The following AUNIP variants were observed in gnomAD, a reference collection of about 807,000 sequenced individuals.
AUNIP encodes aurora kinase A- and ninein-interacting protein.
In AUNIP, 16 loss-of-function variants were observed where a neutral mutation model predicts 12.2. That is an observed-to-expected ratio of 1.31 (90% confidence interval 0.88 to 1.99). The LOEUF is 1.99. AUNIP is among the 30% of genes most tolerant of loss of function. AUNIP has a pLI of 0.00. For missense variants in AUNIP, 411 were observed against 419.1 expected (o/e 0.98, Z 0.17); for synonymous variants, 142 against 154.8 (o/e 0.92, Z 0.61).
In AUNIP at chr1:25,835,300, C is replaced by T. The variant is rs1411446575; in HGVS notation, c.767G>A (p.Gly256Glu). The T allele has an allele frequency of 6.2e-7, 1 of 1,614,212 alleles. No homozygotes were observed. Among genetic ancestry groups the T allele is most frequent in the Non-Finnish European group, 8.5e-7 (1 of 1,180,044 alleles). ...TTGTTTCACTGATTCTATGTTTTCT[C>T]CATTCCAGGATTCCCTGTATGTTTG... ...LLQTYRESWN[G>E]ENIESVKQSR... Residue 256 changes from glycine to glutamate, a missense_variant, in exon 3 of 3, where the codon GGA (glycine) becomes GAA (glutamate). Transcript: ENST00000374298.
chr1:25,843,812 C>T (rs912946106), intron 1 of AUNIP, among the ~76,000 whole-genome samples: 11 of 151,888 alleles, frequency 7.2e-5, no homozygotes, highest in African/African-American at 2.7e-4. Flanking sequence ...AATTGATACA[C>T]TCTCCCAATA....
chr1:25,831,945 A>C, downstream of AUNIP: 1 of 1,614,094 alleles, frequency 6.2e-7, no homozygotes, highest in East Asian at 2.2e-5. Flanking sequence ...TGAAGGAGGA[A>C]GACCCTGCTG....
chr1:25,844,968 G>T (rs991021850), intron 1 of AUNIP, among the ~76,000 whole-genome samples: 29 of 152,182 alleles, frequency 1.9e-4, no homozygotes, highest in African/African-American at 7.0e-4. Flanking sequence ...CCCTAAGGAG[G>T]ATTGTTTAAG....
At chr1:25,840,114 TGATA>T (rs2048338741) in intron 1 of AUNIP, among the ~76,000 whole-genome samples, 2 of 151,582 alleles carry the variant, frequency 1.3e-5, no homozygotes, top group Admixed American at 6.6e-5. Context: ...CCCAGAAATG[TGATA>T]GATAAGAGAA....
chr1:25,858,441 G>A (rs974899877), intron 1 of AUNIP, among the ~76,000 whole-genome samples: 2 of 152,136 alleles, frequency 1.3e-5, no homozygotes, highest in Non-Finnish European at 2.9e-5. Flanking sequence ...CCTGTTTTCC[G>A]TATGTAAAAT....
intron 1 of AUNIP, among the ~76,000 whole-genome samples, chr1:25,841,327 CTTATT>C (rs1369517686): frequency 6.6e-6 from 1 of 152,114 alleles, no homozygotes; most frequent in African/African-American, 2.4e-5. Flanking sequence ...ATAGACATAC[CTTATT>C]TTATTGCACC....
At chr1:25,855,017 C>G (rs931224959) in intron 1 of AUNIP, among the ~76,000 whole-genome samples, 2 of 138,816 alleles carry the variant, frequency 1.4e-5, no homozygotes, top group Admixed American at 1.6e-4. Flanking sequence ...AGTGCAGTGG[C>G]GCAACCTTGG....
chr1:25,844,588 C>A (rs1291592714), intron 1 of AUNIP, among the ~76,000 whole-genome samples: 2 of 147,590 alleles, frequency 1.4e-5, no homozygotes, highest in African/African-American at 5.1e-5. Flanking sequence ...TTGCTTCAAA[C>A]AAATATAATT....
intron 1 of AUNIP, among the ~76,000 whole-genome samples, 195 bp downstream of exon 1, chr1:25,859,085 C>T (rs550475538): frequency 1.3e-5 from 2 of 152,148 alleles, no homozygotes; most frequent in Non-Finnish European, 2.9e-5. Flanking sequence ...CCTTCCGTCC[C>T]TCCCATCCTC....
chr1:25,846,228 G>T (rs2048382216), intron 1 of AUNIP, among the ~76,000 whole-genome samples: 1 of 151,924 alleles, frequency 6.6e-6, no homozygotes. Flanking sequence ...AGATCAGCCT[G>T]GCCAACATAG....
chr1:25,850,064 C>T (rs941551914), intron 1 of AUNIP, among the ~76,000 whole-genome samples: 8 of 151,400 alleles, frequency 5.3e-5, no homozygotes, highest in African/African-American at 1.9e-4. Flanking sequence ...TGCAGACATA[C>T]GTTTTCCTAT....
Position 25,834,841 on chromosome 1 carries a change from C to T in AUNIP, c.*152G>A. ...CCCACTGTCTTAACAATGGTACTGC[C>T]CTTTATTTACACAGAGAAGATGCTC... On this transcript the variant is annotated 3_prime_UTR_variant, in exon 3 of 3. Coordinates refer to ENST00000374298, the MANE Select transcript of AUNIP (RefSeq NM_024037.3). The T allele has an allele frequency of 1.4e-6, 2 of 1,473,106 alleles. No individual in the cohort carries two copies. Among genetic ancestry groups the T allele is most frequent in the Non-Finnish European group, 1.8e-6 (2 of 1,120,402 alleles). 91.3% of individuals were successfully genotyped at this position (1,473,106 alleles called of 1,614,324 possible).
chr1:25,840,801 A>G (rs2048342729), intron 1 of AUNIP, among the ~76,000 whole-genome samples: 1 of 152,300 alleles, frequency 6.6e-6, no homozygotes, highest in South Asian at 2.1e-4. Flanking sequence ...TCTAAATTTT[A>G]TAGGAGCCAC....
chr1:25,856,708 C>T (rs1172640090), intron 1 of AUNIP, among the ~76,000 whole-genome samples: 1 of 151,898 alleles, frequency 6.6e-6, no homozygotes, highest in East Asian at 1.9e-4. Context: ...AACAACAAAA[C>T]AGAATTATAG....
At chr1:25,857,431 G>A (rs2048470821) in intron 1 of AUNIP, among the ~76,000 whole-genome samples, 1 of 151,044 alleles carries the variant, frequency 6.6e-6, no homozygotes, top group African/African-American at 2.4e-5. Context: ...TTTTTTATAG[G>A]AGAGACGGGG....
At chr1:25,843,995 T>C (rs1249995924) in intron 1 of AUNIP, among the ~76,000 whole-genome samples, 1 of 152,212 alleles carries the variant, frequency 6.6e-6, no homozygotes, top group Non-Finnish European at 1.5e-5. Flanking sequence ...TTTGAGAGGA[T>C]TAACTCCAAT....
Position 25,859,411 on chromosome 1 carries a change from A to G in AUNIP, c.-54T>C, listed in dbSNP as rs2048489573. On this transcript the variant is annotated 5_prime_UTR_variant, in exon 1 of 3. Coordinates refer to ENST00000374298, the MANE Select transcript of AUNIP (RefSeq NM_024037.3). The stretch of plus-strand genomic sequence containing the variant: ...CGCCGGCGCAGGCTCCCGGCGCCTC[A>G]GGGAACGCCAGAACCGCGGCCGCCG... 6.9e-7 allele frequency: 1 copy of G among 1,445,326 alleles called. No individual in the cohort carries two copies. Among genetic ancestry groups the G allele is most frequent in the Non-Finnish European group, 9.1e-7 (1 of 1,102,264 alleles). 89.5% of individuals were successfully genotyped at this position (1,445,326 alleles called of 1,614,324 possible).
In AUNIP at chr1:25,845,264, G is replaced by C. The variant is rs2048373833; in HGVS notation, c.79-7710C>G. 1.3e-5 allele frequency among the ~76,000 whole-genome samples: 2 copies of C among 152,154 alleles called. 1 individual carries two copies. The highest frequency in any genetic ancestry group is 4.1e-4 in the South Asian group (2 of 4,830). ...TCTAGATTAATCTCAAAGTACAGCTGTGATCACGTCATCTTGCTCAAAATC... is the reference window on the plus strand; with the variant it reads ...TCTAGATTAATCTCAAAGTACAGCTCTGATCACGTCATCTTGCTCAAAATC... On this transcript the variant is annotated intron_variant, in intron 1 of 2. Transcript: ENST00000374298.
chr1:25,840,782 A>G (rs1003295021), intron 1 of AUNIP, among the ~76,000 whole-genome samples: 3 of 152,336 alleles, frequency 2.0e-5, no homozygotes, highest in African/African-American at 7.2e-5. Flanking sequence ...CCAAGCTGAC[A>G]CATGGCTCTC....
Sources: allele counts gnomAD v4.1 joint callset (sites outside exome capture counted in the v4.1 genomes callset), GRCh38; gene constraint gnomAD v4.1.1; transcripts MANE v1.5; gene names NCBI Gene and HGNC (gene_info 2026-07-23, HGNC 2026-07-21).